The following KCNG2 variants were observed in gnomAD, a reference collection of about 807,000 sequenced individuals.
The protein encoded by KCNG2 is potassium voltage-gated channel modifier subfamily G member 2.
A neutral mutation model predicts 12.3 loss-of-function variants in KCNG2; 7 were observed. That is an observed-to-expected ratio of 0.57 (90% CI 0.32 to 1.07). KCNG2 has a LOEUF of 1.07. Among genes scored for constraint, KCNG2 ranks in the 50% least tolerant of loss-of-function variants. The pLI is 0.04. For synonymous variants in KCNG2, 414 were observed against 351.4 expected (o/e 1.18, Z -1.99); for missense variants, 703 against 726.0 (o/e 0.97, Z 0.36).
chr18:79,836,652 G>A (rs1978327963), intron 1 of KCNG2, among the ~76,000 whole-genome samples: 1 of 152,170 alleles, frequency 6.6e-6, no homozygotes, highest in African/African-American at 2.4e-5. Flanking sequence ...TTACAATCAT[G>A]GCGAGAGGTA....
intron 3 of KCNG2, among the ~76,000 whole-genome samples, chr18:79,865,895 T>TGG (rs1165475941): frequency 3.3e-5 from 2 of 60,940 alleles, no homozygotes; most frequent in Admixed American, 1.8e-4. Flanking sequence ...CTGAGAAGTC[T>TGG]GTGCTGAGAG....
chr18:79,888,590 G>A (rs978399884), intron 3 of KCNG2, among the ~76,000 whole-genome samples: 2 of 152,234 alleles, frequency 1.3e-5, no homozygotes, highest in Admixed American at 6.5e-5. Context: ...CCGCTGTGCG[G>A]TTCTCATTCC....
chr18:79,833,617 T>A (rs1012854462), intron 1 of KCNG2, among the ~76,000 whole-genome samples: 7 of 152,242 alleles, frequency 4.6e-5, no homozygotes, highest in South Asian at 2.1e-4. Context: ...TCTCTTTGGC[T>A]ATGACAGTTT....
intron 1 of KCNG2, among the ~76,000 whole-genome samples, chr18:79,834,229 G>T (rs138028620): frequency 6.6e-6 from 1 of 152,214 alleles, no homozygotes; most frequent in African/African-American, 2.4e-5. Flanking sequence ...CGTTTGCCTC[G>T]GCGGCACCAG....
Position 79,810,501 on chromosome 18 carries a change from A to T in KCNG2, c.-115+12487A>T, listed in dbSNP as rs1274875427. Among the ~76,000 whole-genome samples, 3 of 152,238 alleles carry T rather than the reference A, an allele frequency of 2.0e-5. No homozygotes were observed. The South Asian group carries it at 6.2e-4, about 32-fold the overall frequency. On this transcript the variant is annotated intron_variant, in intron 1 of 3. Coordinates refer to ENST00000316249, the MANE Select transcript of KCNG2 (RefSeq NM_012283.2). ...ATTAAAAAACAAAGTAGCCAGATGC[A>T]GTGGCTCATGCCTAGAATCCCAGCA...
Position 79,870,013 on chromosome 18 carries a change from G to T in KCNG2, c.624+5722G>T, listed in dbSNP as rs570185966. 2.2e-4 allele frequency among the ~76,000 whole-genome samples: 34 copies of T among 152,358 alleles called. 1 individual carries two copies. The highest frequency in any genetic ancestry group is 2.1e-3 in the South Asian group (10 of 4,826). On this transcript the variant is annotated intron_variant, in intron 3 of 3. Coordinates refer to ENST00000316249, the MANE Select transcript of KCNG2 (RefSeq NM_012283.2). ...TCCCAGCTGGTGGAGGCTCAGCCAG[G>T]CAGGACCTCCCACCTCTGGGCCCCC...
chr18:79,888,678 C>T (rs1243795793), intron 3 of KCNG2, among the ~76,000 whole-genome samples: 2 of 152,108 alleles, frequency 1.3e-5, no homozygotes, highest in East Asian at 3.9e-4. Context: ...TTGAGGAATG[C>T]CTCTTCAGAC....
intron 1 of KCNG2, among the ~76,000 whole-genome samples, chr18:79,853,116 C>T (rs1978883838): frequency 6.6e-6 from 1 of 152,196 alleles, no homozygotes; most frequent in Non-Finnish European, 1.5e-5. Context: ...TTGTGTGTGC[C>T]CTGAAGTGTT....
At chr18:79,870,668 CT>C (rs1222930185) in intron 3 of KCNG2, among the ~76,000 whole-genome samples, 1 of 152,204 alleles carries the variant, frequency 6.6e-6, no homozygotes, top group Non-Finnish European at 1.5e-5. Flanking sequence ...TGATTTTTGG[CT>C]CTGTGAATTG....
At position 79,889,130 on chromosome 18, in the gene KCNG2, C is replaced by T. The variant is rs115827041; in HGVS notation, c.625-9910C>T. On this transcript the variant is annotated intron_variant, in intron 3 of 3. Transcript: ENST00000316249. ...GTCTGTTCACTTTCTTGCTGTTGTC[C>T]TTTGAGGCACAAAAGTTTTTAATTT... Among the ~76,000 whole-genome samples the T allele has an allele frequency of 6.4e-3, 972 of 152,198 alleles. 9 individuals are homozygous for T. Among genetic ancestry groups the T allele is most frequent in the African/African-American group, 0.019 (801 of 41,502 alleles).
chr18:79,815,496 T>C lies in KCNG2; in HGVS notation c.-115+17482T>C, dbSNP rs954469163. Among the ~76,000 whole-genome samples the C allele has an allele frequency of 4.6e-5, 7 of 151,068 alleles. No individual in the cohort carries two copies. In the South Asian group the frequency reaches 6.3e-4, roughly 14 times the overall value. On this transcript the variant is annotated intron_variant, in intron 1 of 3. Transcript: ENST00000316249. Reference sequence around the variant, plus strand: ...TGGTTTATGAGAGTGTTGGGGAGTGTTCAGTGATGGCTTCTAGCGGAATCA... The same window carrying C: ...TGGTTTATGAGAGTGTTGGGGAGTGCTCAGTGATGGCTTCTAGCGGAATCA...
At chr18:79,889,363 T>G (rs1980666138) in intron 3 of KCNG2, among the ~76,000 whole-genome samples, 1 of 152,230 alleles carries the variant, frequency 6.6e-6, no homozygotes, top group Non-Finnish European at 1.5e-5. Flanking sequence ...TGTGTGGACA[T>G]CCAGGCACCC....
At chr18:79,834,416 C>G (rs891126795) in intron 1 of KCNG2, among the ~76,000 whole-genome samples, 1 of 152,164 alleles carries the variant, frequency 6.6e-6, no homozygotes, top group African/African-American at 2.4e-5. Context: ...ATTTCCGGTA[C>G]AAGGCCTCAG....
intron 1 of KCNG2, among the ~76,000 whole-genome samples, chr18:79,855,647 T>C (rs879595625): frequency 1.3e-5 from 2 of 151,964 alleles, no homozygotes; most frequent in Non-Finnish European, 2.9e-5. Flanking sequence ...AACCTTCTGG[T>C]ACTGGCTGGT....
At chr18:79,841,364 CA>C (rs1978455149) in intron 1 of KCNG2, among the ~76,000 whole-genome samples, 1 of 152,064 alleles carries the variant, frequency 6.6e-6, no homozygotes, top group Admixed American at 6.5e-5. Context: ...AATCATTCTT[CA>C]CACCAAAAGC....
At position 79,800,345 on chromosome 18, in the gene KCNG2, G is replaced by A. The variant is rs2087398782; in HGVS notation, c.-115+2331G>A. Reference sequence around the variant, plus strand: ...TATCTTAGGGCTAACGCTTGGTCAGGGATGTTCTTGGTGGTAAGGAAAGGA... The same window carrying A: ...TATCTTAGGGCTAACGCTTGGTCAGAGATGTTCTTGGTGGTAAGGAAAGGA... On this transcript the variant is annotated intron_variant, in intron 1 of 3. Transcript: ENST00000316249. The surrounding 1 kb of genome is among the most constrained non-coding windows in gnomAD (Gnocchi z 4.0). Among the ~76,000 whole-genome samples, 4 of 152,166 alleles carry A rather than the reference G, an allele frequency of 2.6e-5. No individual in the cohort carries two copies. Among genetic ancestry groups the A allele is most frequent in the Admixed American group, 2.0e-4 (3 of 15,286 alleles).
At chr18:79,892,975 T>G (rs1322490287) in intron 3 of KCNG2, among the ~76,000 whole-genome samples, 2 of 151,938 alleles carry the variant, frequency 1.3e-5, no homozygotes, top group African/African-American at 2.4e-5. Flanking sequence ...TTGATATAGT[T>G]GGGTCTGTGT....
intron 2 of KCNG2, among the ~76,000 whole-genome samples, chr18:79,856,912 C>T (rs536163425): frequency 1.3e-5 from 2 of 151,682 alleles, no homozygotes; most frequent in Middle Eastern, 6.8e-3. Context: ...TTGTAGGGCT[C>T]GGGAAATCTC....
intron 2 of KCNG2, among the ~76,000 whole-genome samples, chr18:79,858,093 C>G (rs930141697): frequency 1.3e-5 from 2 of 152,110 alleles, no homozygotes; most frequent in Non-Finnish European, 2.9e-5. Flanking sequence ...CTCTGACTCC[C>G]GGGTTCAAGT....
Sources: gnomAD v4.1 joint callset for allele counts (sites outside exome capture counted in the v4.1 genomes callset) on GRCh38, gnomAD v4.1.1 for gene constraint, Gnocchi (gnomAD v3.1) non-coding constraint, MANE v1.5 for transcripts, NCBI Gene and HGNC (gene_info 2026-07-23, HGNC 2026-07-21) for gene names.